The following GNAQ variants were observed in gnomAD, a reference collection of about 807,000 sequenced individuals.
The protein encoded by GNAQ is guanine nucleotide-binding protein G(q) subunit alpha.
A neutral mutation model predicts 43.9 loss-of-function variants in GNAQ; 8 were observed. That is an observed-to-expected ratio of 0.18 (90% CI 0.11 to 0.33). GNAQ has a LOEUF of 0.33. Among genes scored for constraint, GNAQ ranks in the 10% least tolerant of loss-of-function variants. The pLI is 1.00. For synonymous variants in GNAQ, 155 were observed against 170.7 expected, an observed-to-expected ratio of 0.91 and a Z score of 0.71; for missense variants, 158 against 450.8, an observed-to-expected ratio of 0.35 and a Z score of 5.88.
At chr9:77,984,779 G>A (rs1028280051) in intron 1 of GNAQ, among the ~76,000 whole-genome samples, 1 of 152,174 alleles carries the variant, frequency 6.6e-6, no homozygotes, top group Non-Finnish European at 1.5e-5. Context: ...ACAATGCACA[G>A]AGCAGAGCCA....
At chr9:78,012,895 G>T (rs1357578358) in intron 1 of GNAQ, among the ~76,000 whole-genome samples, 2 of 152,154 alleles carry the variant, frequency 1.3e-5, no homozygotes, top group Non-Finnish European at 2.9e-5. Context: ...TAAACTCTAG[G>T]TATGAAATTT....
At chr9:77,733,682 T>C (rs1330390278) in intron 5 of GNAQ, among the ~76,000 whole-genome samples, 1 of 152,208 alleles carries the variant, frequency 6.6e-6, no homozygotes, top group East Asian at 1.9e-4. Context: ...GCTTCTGAGA[T>C]GCTGGGCATG....
chr9:77,848,208 T>C (rs965122272), intron 2 of GNAQ, among the ~76,000 whole-genome samples: 3 of 152,210 alleles, frequency 2.0e-5, no homozygotes, highest in Non-Finnish European at 2.9e-5. Flanking sequence ...TAACATCTTC[T>C]ACAGAGCTTT....
intron 2 of GNAQ, among the ~76,000 whole-genome samples, chr9:77,833,827 C>T (rs940979009): frequency 1.3e-5 from 2 of 151,978 alleles, no homozygotes; most frequent in African/African-American, 4.8e-5. Flanking sequence ...AAATACACAC[C>T]CTACACAAGA....
chr9:77,817,702 C>T (rs1827040932), intron 2 of GNAQ, among the ~76,000 whole-genome samples: 1 of 152,190 alleles, frequency 6.6e-6, no homozygotes, highest in African/African-American at 2.4e-5. Flanking sequence ...TGGGAGCACC[C>T]AGTACCACTG....
chr9:77,740,443 CAT>C (rs2118256910), intron 5 of GNAQ, among the ~76,000 whole-genome samples: 1 of 152,198 alleles, frequency 6.6e-6, no homozygotes, highest in East Asian at 1.9e-4. Context: ...AGAGAAATAA[CAT>C]AGGCAATCAG....
Position 77,907,401 on chromosome 9 carries a change from A to C in GNAQ, c.321+14760T>G, listed in dbSNP as rs143305244. Among the ~76,000 whole-genome samples the C allele has an allele frequency of 1.6e-3, 240 of 152,322 alleles. 1 individual carries two copies. The highest frequency in any genetic ancestry group is 5.6e-3 in the African/African-American group (232 of 41,572). Reference sequence around the variant, plus strand: ...GCAAAGAAAGGGAAATAAGGAAAGAAAGAAAGAATATATGAGCTTTCCTAT... The same window carrying C: ...GCAAAGAAAGGGAAATAAGGAAAGACAGAAAGAATATATGAGCTTTCCTAT... On this transcript the variant is annotated intron_variant, in intron 2 of 6. Coordinates refer to ENST00000286548, the MANE Select transcript of GNAQ (RefSeq NM_002072.5).
intron 2 of GNAQ, among the ~76,000 whole-genome samples, chr9:77,836,238 C>CT (rs35667294): frequency 0.55 from 82,921 of 151,560 alleles, 25,302 homozygotes; most frequent in Middle Eastern, 0.69. Context: ...AAGCCCCCCC[C>CT]GGATCTGTCC....
At chr9:77,749,487 A>T (rs999152105) in intron 5 of GNAQ, among the ~76,000 whole-genome samples, 1 of 152,204 alleles carries the variant, frequency 6.6e-6, no homozygotes, top group African/African-American at 2.4e-5. Flanking sequence ...TTGTACAGGA[A>T]CAAGTTTTTG....
intron 1 of GNAQ, among the ~76,000 whole-genome samples, chr9:77,995,083 C>T (rs895999467): frequency 2.0e-5 from 3 of 152,108 alleles, no homozygotes; most frequent in African/African-American, 7.2e-5. Context: ...GTTCTAAAAT[C>T]GAAGTTAACA....
At chr9:77,982,795 G>A (rs1319172984) in intron 1 of GNAQ, among the ~76,000 whole-genome samples, 3 of 150,576 alleles carry the variant, frequency 2.0e-5, no homozygotes, top group Admixed American at 2.0e-4. Context: ...AGGGCCTGTC[G>A]TGGAGTGGGG....
intron 1 of GNAQ, among the ~76,000 whole-genome samples, chr9:77,946,008 T>C (rs1822889264): frequency 6.6e-6 from 1 of 152,234 alleles, no homozygotes; most frequent in African/African-American, 2.4e-5. Context: ...CATGCCTTGC[T>C]ACTTTAAGTG....
intron 2 of GNAQ, among the ~76,000 whole-genome samples, chr9:77,856,653 A>T: frequency 6.6e-6 from 1 of 152,224 alleles, no homozygotes; most frequent in South Asian, 2.1e-4. Context: ...ACTGAGAAAG[A>T]CTACCTAGCA....
At chr9:77,934,745 GT>G (rs1829206762) in intron 1 of GNAQ, among the ~76,000 whole-genome samples, 4 of 152,176 alleles carry the variant, frequency 2.6e-5, no homozygotes, top group Non-Finnish European at 5.9e-5. Context: ...GAAAACAAAA[GT>G]TACTGAATCT....
In GNAQ at chr9:77,737,339, G is replaced by A. The variant is rs538570519; in HGVS notation, c.736-8672C>T. 6.7e-4 allele frequency among the ~76,000 whole-genome samples: 102 copies of A among 152,296 alleles called. 1 individual carries two copies. The highest frequency in any genetic ancestry group is 1.3e-3 in the Non-Finnish European group (87 of 68,030). On this transcript the variant is annotated intron_variant, in intron 5 of 6. Transcript: ENST00000286548. ...AATCCTATGTGTTGTCACTGTCATT[G>A]TAAGTGATGTTGTAAGTGACGTTTC...
chr9:77,959,701 T>C (rs1823084585), intron 1 of GNAQ, among the ~76,000 whole-genome samples: 1 of 152,210 alleles, frequency 6.6e-6, no homozygotes, highest in Non-Finnish European at 1.5e-5. Flanking sequence ...TGAGTTTTTC[T>C]CTTCCTACCT....
chr9:77,922,058 C>T (rs941194953), intron 2 of GNAQ, 103 bp downstream of exon 2: 12 of 596,182 alleles, frequency 2.0e-5, no homozygotes, highest in African/African-American at 1.1e-4. Flanking sequence ...ATTTCCAAAC[C>T]CCCCTATGCA....
chr9:77,977,198 A>G (rs1156665976), intron 1 of GNAQ, among the ~76,000 whole-genome samples: 1 of 152,142 alleles, frequency 6.6e-6, no homozygotes, highest in East Asian at 1.9e-4. Flanking sequence ...CGCTTCCTTC[A>G]GCTATTGGCA....
At chr9:77,975,047 T>A (rs1192172354) in intron 1 of GNAQ, among the ~76,000 whole-genome samples, 1 of 152,202 alleles carries the variant, frequency 6.6e-6, no homozygotes, top group Non-Finnish European at 1.5e-5. Context: ...TGGCCCTTGG[T>A]GCTCCCTGTC....
Sources: allele counts gnomAD v4.1 joint callset (sites outside exome capture counted in the v4.1 genomes callset), GRCh38; gene constraint gnomAD v4.1.1; transcripts MANE v1.5; gene names NCBI Gene and HGNC (gene_info 2026-07-23, HGNC 2026-07-21).